Variants in PTPRD observed in about 807,000 individuals in gnomAD.
The protein encoded by PTPRD is protein tyrosine phosphatase receptor type D, also known as receptor-type tyrosine-protein phosphatase delta.
PTPRD carries 34 observed loss-of-function variants against 214.5 expected under a neutral mutation model. That is an observed-to-expected ratio of 0.16 (90% CI 0.12 to 0.21). The LOEUF (loss-of-function observed/expected upper bound fraction) is 0.21. Ranked by LOEUF, PTPRD falls within the 10% of genes least tolerant of loss-of-function variation. The pLI is 1.00. For missense variants in PTPRD, 2,545 were observed against 2,398.7 expected (o/e 1.06, Z -1.27); for synonymous variants, 1,128 against 845.7 (o/e 1.33, Z -5.79).
intron 10 of PTPRD, among the ~76,000 whole-genome samples, chr9:9,022,439 G>A (rs1165695848): frequency 6.6e-6 from 1 of 151,916 alleles, no homozygotes; most frequent in Non-Finnish European, 1.5e-5. Context: ...TCCTTGTTTA[G>A]TTATATTTAG....
At chr9:8,868,909 G>T (rs987471912) in intron 11 of PTPRD, among the ~76,000 whole-genome samples, 1 of 152,108 alleles carries the variant, frequency 6.6e-6, no homozygotes, top group Non-Finnish European at 1.5e-5. Flanking sequence ...CTATGAGCAA[G>T]GCACACATAT....
intron 11 of PTPRD, among the ~76,000 whole-genome samples, chr9:9,013,841 T>C (rs1212549912): frequency 2.0e-5 from 3 of 152,160 alleles, no homozygotes; most frequent in Non-Finnish European, 4.4e-5. Flanking sequence ...TTAAACCATT[T>C]CTTTCTTTCA....
At chr9:9,302,061 C>A (rs1955518805) in intron 9 of PTPRD, among the ~76,000 whole-genome samples, 1 of 151,898 alleles carries the variant, frequency 6.6e-6, no homozygotes, top group Non-Finnish European at 1.5e-5. Flanking sequence ...TATCATGGCT[C>A]TTTCATATTG....
intron 11 of PTPRD, among the ~76,000 whole-genome samples, chr9:8,839,700 G>T (rs1386154176): frequency 1.3e-5 from 2 of 152,134 alleles, no homozygotes; most frequent in East Asian, 1.9e-4. Context: ...ACCCTAAAAA[G>T]AAATAATGCA....
At chr9:10,383,688 T>C (rs1343336253) in intron 2 of PTPRD, among the ~76,000 whole-genome samples, 1 of 151,788 alleles carries the variant, frequency 6.6e-6, no homozygotes, top group Non-Finnish European at 1.5e-5. Context: ...AAGTAATAAT[T>C]CATCACAAAT....
chr9:8,931,334 T>C (rs2098951013), intron 11 of PTPRD, among the ~76,000 whole-genome samples: 1 of 152,078 alleles, frequency 6.6e-6, no homozygotes, highest in African/African-American at 2.4e-5. Context: ...TGTGTTTTGG[T>C]ACCAGTACCA....
chr9:9,735,507 T>C (rs965255169), intron 6 of PTPRD, among the ~76,000 whole-genome samples: 1 of 152,102 alleles, frequency 6.6e-6, no homozygotes, highest in African/African-American at 2.4e-5. Flanking sequence ...CATATGAATA[T>C]GTGTCTGCAT....
At chr9:8,435,727 AC>A (rs1564792392) in intron 35 of PTPRD, among the ~76,000 whole-genome samples, 1 of 151,778 alleles carries the variant, frequency 6.6e-6, no homozygotes, top group Non-Finnish European at 1.5e-5. Context: ...ACACACACAC[AC>A]ACGCACGCAC....
intron 2 of PTPRD, among the ~76,000 whole-genome samples, chr9:10,349,984 T>C (rs902295512): frequency 3.3e-5 from 5 of 152,292 alleles, no homozygotes; most frequent in Middle Eastern, 3.4e-3. Context: ...TTTTAAATAA[T>C]TGAAAGAGAA....
At chr9:8,974,138 A>T (rs1478269909) in intron 11 of PTPRD, among the ~76,000 whole-genome samples, 1 of 152,066 alleles carries the variant, frequency 6.6e-6, no homozygotes, top group East Asian at 1.9e-4. Context: ...GATGTTGAGA[A>T]GGGTATTTCC....
At chr9:10,361,415 C>A (rs2097387766) in intron 2 of PTPRD, among the ~76,000 whole-genome samples, 1 of 152,022 alleles carries the variant, frequency 6.6e-6, no homozygotes, top group Admixed American at 6.5e-5. Context: ...TTGTGAACCA[C>A]CGATGTAGAC....
intron 11 of PTPRD, among the ~76,000 whole-genome samples, chr9:8,807,209 T>A (rs562704614): frequency 2.6e-5 from 4 of 152,124 alleles, no homozygotes; most frequent in Admixed American, 2.0e-4. Context: ...TGGTAGTGCA[T>A]GCCTGTAATC....
chr9:8,915,398 A>G (rs531016267), intron 11 of PTPRD, among the ~76,000 whole-genome samples: 1 of 152,322 alleles, frequency 6.6e-6, no homozygotes, highest in South Asian at 2.1e-4. Context: ...AACAAGAGGC[A>G]TATATAGAAA....
chr9:9,671,389 G>C (rs775460856), intron 7 of PTPRD, among the ~76,000 whole-genome samples: 2 of 152,098 alleles, frequency 1.3e-5, no homozygotes, highest in Non-Finnish European at 2.9e-5. Flanking sequence ...GAAGGGATTT[G>C]TCTTGTCTCA....
At chr9:9,774,608 T>A (rs1039133904) in intron 5 of PTPRD, among the ~76,000 whole-genome samples, 25 of 152,204 alleles carry the variant, frequency 1.6e-4, no homozygotes, top group Non-Finnish European at 3.2e-4. Flanking sequence ...AAACATTCTT[T>A]CTATATATGA....
chr9:9,743,776 TACTG>T (rs1306925380), intron 6 of PTPRD, among the ~76,000 whole-genome samples: 1 of 79,232 alleles, frequency 1.3e-5, no homozygotes, highest in African/African-American at 4.9e-5. Flanking sequence ...ACACAATTTA[TACTG>T]ACTGTATAAA....
In PTPRD at chr9:9,742,179, T is replaced by C. The variant is rs769524209; in HGVS notation, c.-325-7608A>G. On this transcript the variant is annotated intron_variant, in intron 6 of 45. Coordinates refer to ENST00000381196, the MANE Select transcript of PTPRD (RefSeq NM_002839.4). Reference sequence around the variant, plus strand: ...GTGATGATGAGCTTTTTCCATACATTTGTTGGCTGCATAAATGTCTTCTTT... The same window carrying C: ...GTGATGATGAGCTTTTTCCATACATCTGTTGGCTGCATAAATGTCTTCTTT... Among the ~76,000 whole-genome samples, 72 of 152,306 alleles carry C rather than the reference T, an allele frequency of 4.7e-4. 1 individual carries two copies. The highest frequency in any genetic ancestry group is 9.1e-4 in the Non-Finnish European group (62 of 68,026).
At chr9:10,426,228 A>T (rs1414895167) in intron 2 of PTPRD, among the ~76,000 whole-genome samples, 1 of 152,022 alleles carries the variant, frequency 6.6e-6, no homozygotes, top group African/African-American at 2.4e-5. Flanking sequence ...GGCAAAATTC[A>T]ACTTTGTTAA....
intron 2 of PTPRD, among the ~76,000 whole-genome samples, chr9:10,477,490 G>A (rs148717834): frequency 3.7e-3 from 565 of 152,268 alleles, no homozygotes; most frequent in African/African-American, 0.013. Context: ...AACAGATGTT[G>A]AAGAGGATGT....
Sources: allele counts gnomAD v4.1 joint callset (sites outside exome capture counted in the v4.1 genomes callset), GRCh38; gene constraint gnomAD v4.1.1; transcripts MANE v1.5; gene names NCBI Gene and HGNC (gene_info 2026-07-23, HGNC 2026-07-21).